The following AXDND1 variants were observed in gnomAD, a reference collection of about 807,000 sequenced individuals.
AXDND1 encodes axonemal dynein light chain domain-containing protein 1.
A neutral mutation model predicts 137.5 loss-of-function variants in AXDND1; 110 were observed. That is an observed-to-expected ratio of 0.80 (90% CI 0.69 to 0.94). AXDND1 has a LOEUF of 0.94. Among genes scored for constraint, AXDND1 ranks in the 40% least tolerant of loss-of-function variants. The pLI is 0.00. For synonymous variants in AXDND1, 414 were observed against 399.7 expected (o/e 1.04, Z -0.43); for missense variants, 1,191 against 1,169.8 (o/e 1.02, Z -0.26).
At chr1:179,430,425 T>C (rs756287689) in intron 13 of AXDND1, 27 bp from the exon 14 acceptor site, 44 of 1,546,790 alleles carry the variant, frequency 2.8e-5, no homozygotes, top group Admixed American at 3.9e-5. Flanking sequence ...AATGAATATA[T>C]TATTTGATTC....
chr1:179,381,277 G>A (rs111445797), intron 6 of AXDND1, among the ~76,000 whole-genome samples: 9,895 of 151,204 alleles, frequency 0.065, 380 homozygotes, highest in African/African-American at 0.079. Flanking sequence ...CCTGACCTCA[G>A]GTGATCTGCC....
intron 17 of AXDND1, among the ~76,000 whole-genome samples, chr1:179,477,274 G>A (rs1664752452): frequency 6.7e-6 from 1 of 150,194 alleles, no homozygotes; most frequent in Admixed American, 6.7e-5. Flanking sequence ...ATCTAGTCAT[G>A]GATTTCTTTA....
chr1:179,430,751 C>A, intron 14 of AXDND1, 145 bp downstream of exon 14: 1 of 819,698 alleles, frequency 1.2e-6, no homozygotes, highest in Non-Finnish European at 1.9e-6. Flanking sequence ...CACAATCCTG[C>A]TAACAACCTT....
At chr1:179,460,185 C>G (rs1462901505) in intron 16 of AXDND1, among the ~76,000 whole-genome samples, 38 of 151,994 alleles carry the variant, frequency 2.5e-4, no homozygotes, top group Non-Finnish European at 1.3e-4. Context: ...AATGCTCTCG[C>G]TCCCACCTCC....
At position 179,528,364 on chromosome 1, in the gene AXDND1, G is replaced by C. The variant is rs1351036307; in HGVS notation, c.2648G>C (p.Arg883Pro). The C allele has an allele frequency of 1.1e-5, 18 of 1,613,828 alleles. No individual in the cohort carries two copies. The highest frequency in any genetic ancestry group is 1.5e-5 in the Non-Finnish European group (18 of 1,179,822). ...TCTACAGAGAAGGAAAAACTCATTC[G>C]ATTCATTGGAGAAGATGAAAATGTT... ...STSTEKEKLI[R>P]FIGEDENVHS... The change falls in exon 23 of 26, where the codon CGA (arginine) becomes CCA (proline). Residue 883 changes from arginine (R) to proline (P), a missense_variant. Coordinates refer to ENST00000367618, the MANE Select transcript of AXDND1 (RefSeq NM_144696.6).
intron 3 of AXDND1, 58 bp downstream of exon 3, chr1:179,369,030 T>TAAAGA: frequency 6.9e-7 from 1 of 1,455,596 alleles, no homozygotes; most frequent in Non-Finnish European, 9.4e-7. Context: ...ATCTGATTAT[T>TAAAGA]CTTTAAGTAT....
chr1:179,432,370 A>C (rs1657499708), intron 15 of AXDND1, 28 bp downstream of exon 15: 1 of 1,531,324 alleles, frequency 6.5e-7, no homozygotes, highest in Admixed American at 2.1e-5. Flanking sequence ...AGAGCTTGGC[A>C]ATCAAAGTGC....
intron 12 of AXDND1, among the ~76,000 whole-genome samples, chr1:179,424,426 C>CTTTTTTTTTTTT (rs139043229): frequency 9.3e-6 from 1 of 107,802 alleles, no homozygotes; most frequent in African/African-American, 3.4e-5. Context: ...TTTCTATTAT[C>CTTTTTTTTTTTT]TTTTTTTTTT....
intron 8 of AXDND1, among the ~76,000 whole-genome samples, chr1:179,383,880 A>G (rs1648785439): frequency 6.6e-6 from 1 of 152,182 alleles, no homozygotes; most frequent in Non-Finnish European, 1.5e-5. Flanking sequence ...ATGTAACACT[A>G]AAAAACACTG....
intron 11 of AXDND1, among the ~76,000 whole-genome samples, 198 bp from the exon 12 acceptor site, chr1:179,410,948 A>G (rs1653775616): frequency 6.6e-6 from 1 of 152,238 alleles, no homozygotes; most frequent in South Asian, 2.1e-4. Flanking sequence ...TAAGATTTAT[A>G]AATTAAATGT....
chr1:179,421,503 C>T (rs1655728563), intron 12 of AXDND1, among the ~76,000 whole-genome samples: 1 of 150,590 alleles, frequency 6.6e-6, no homozygotes, highest in Admixed American at 6.7e-5. Context: ...TGTGCCTCAG[C>T]CTCCTGAGTA....
chr1:179,402,618 A>G (rs1268722175), intron 11 of AXDND1, among the ~76,000 whole-genome samples: 1 of 152,144 alleles, frequency 6.6e-6, no homozygotes, highest in African/African-American at 2.4e-5. Context: ...TTCCCTCTCT[A>G]GCTGATTAAT....
At chr1:179,445,482 C>T (rs1659603979) in intron 16 of AXDND1, among the ~76,000 whole-genome samples, 1 of 152,070 alleles carries the variant, frequency 6.6e-6, no homozygotes, top group South Asian at 2.1e-4. Flanking sequence ...AAATGAACCT[C>T]AAAAGAAACC....
At chr1:179,473,092 G>GT (rs1045820808) in intron 17 of AXDND1, among the ~76,000 whole-genome samples, 32 of 151,154 alleles carry the variant, frequency 2.1e-4, no homozygotes, top group East Asian at 7.8e-4. Flanking sequence ...TTCTTTTATT[G>GT]TTTTTTTTGT....
At chr1:179,497,062 G>A (rs2125597678) in intron 20 of AXDND1, among the ~76,000 whole-genome samples, 1 of 152,126 alleles carries the variant, frequency 6.6e-6, no homozygotes, top group Admixed American at 6.5e-5. Flanking sequence ...AACATATTTT[G>A]TACCACTTAC....
intron 15 of AXDND1, among the ~76,000 whole-genome samples, chr1:179,443,391 G>A (rs892630275): frequency 3.3e-5 from 5 of 151,916 alleles, no homozygotes; most frequent in Non-Finnish European, 7.4e-5. Context: ...TTTTTATTGT[G>A]GTAAAATATA....
chr1:179,468,118 G>C (rs1663454745), intron 16 of AXDND1, among the ~76,000 whole-genome samples: 1 of 151,288 alleles, frequency 6.6e-6, no homozygotes, highest in Non-Finnish European at 1.5e-5. Flanking sequence ...ATGATGTAGT[G>C]AATTAAGGTC....
At chr1:179,524,386 G>C (rs987398298) in intron 21 of AXDND1, among the ~76,000 whole-genome samples, 1 of 152,092 alleles carries the variant, frequency 6.6e-6, no homozygotes, top group African/African-American at 2.4e-5. Context: ...AAAGGCAGAT[G>C]ACTGTCAGAT....
intron 22 of AXDND1, among the ~76,000 whole-genome samples, chr1:179,526,326 A>G (rs1474342777): frequency 6.6e-6 from 1 of 152,188 alleles, no homozygotes; most frequent in African/African-American, 2.4e-5. Flanking sequence ...TACTTTGCAC[A>G]TATTATCTCT....
Sources: allele counts gnomAD v4.1 joint callset (sites outside exome capture counted in the v4.1 genomes callset), GRCh38; gene constraint gnomAD v4.1.1; transcripts MANE v1.5; gene names NCBI Gene and HGNC (gene_info 2026-07-23, HGNC 2026-07-21).